Variants in TRPM4 observed in about 807,000 individuals in gnomAD.
TRPM4 encodes the protein transient receptor potential cation channel subfamily M member 4, also known as calcium-activated non-selective cation channel 1.
In TRPM4, 124 loss-of-function variants were observed where a neutral mutation model predicts 135.6. That is an observed-to-expected ratio of 0.91 (90% confidence interval 0.79 to 1.06). TRPM4 has a LOEUF of 1.06. TRPM4 is among the 50% of genes least tolerant of loss of function. TRPM4 has a pLI of 0.00. For missense variants in TRPM4, 1,658 were observed against 1,671.4 expected (o/e 0.99, Z 0.14); for synonymous variants, 745 against 705.6 (o/e 1.06, Z -0.88).
intron 20 of TRPM4, among the ~76,000 whole-genome samples, chr19:49,208,956 CAAA>C (rs35021741): frequency 1.5e-4 from 16 of 103,958 alleles, no homozygotes; most frequent in Non-Finnish European, 1.8e-4. Context: ...AAGACTCCAT[CAAA>C]AAAAAAAAAA....
intron 12 of TRPM4, among the ~76,000 whole-genome samples, chr19:49,185,275 G>A (rs1968157478): frequency 6.6e-6 from 1 of 151,878 alleles, no homozygotes; most frequent in Admixed American, 6.6e-5. Context: ...TTGAGACAGA[G>A]TCTCATTCTG....
rs758151540 is a variant in TRPM4 at position 49,171,722 on chromosome 19, A to G, written c.1003A>G (p.Ile335Val). ...CAGGCAAGGCGAAGCCCGAGATCGAATCAGGCGTTTCTTTCCCAAAGGGGA... is the reference window on the plus strand; with the variant it reads ...CAGGCAAGGCGAAGCCCGAGATCGAGTCAGGCGTTTCTTTCCCAAAGGGGA... The part of the protein sequence containing the change: ...GARQGEARDR[I>V]RRFFPKGDLE... Residue 335 changes from isoleucine to valine, a missense_variant, in exon 8 of 25, where the codon ATC (isoleucine) becomes GTC (valine). Ile to Val is a conservative substitution (Grantham distance 29). This residue lies in a region of TRPM4 where 1,412 missense variants were observed against 1,408.7 expected (regional missense o/e 1.00). Transcript: ENST00000252826. The surrounding 1 kb of genome is among the most constrained non-coding windows in gnomAD (Gnocchi z 4.7). 10 of 1,613,094 alleles carry G rather than the reference A, an allele frequency of 6.2e-6. No homozygotes were observed. Among genetic ancestry groups the G allele is most frequent in the Non-Finnish European group, 8.5e-6 (10 of 1,179,954 alleles).
chr19:49,208,769 C>T (rs1969243058), intron 20 of TRPM4, among the ~76,000 whole-genome samples: 1 of 151,992 alleles, frequency 6.6e-6, no homozygotes, highest in Admixed American at 6.6e-5. Flanking sequence ...GCTTGCCGCC[C>T]ACACATGGTG....
rs1968885717 is a variant in TRPM4, at chr19:49,200,599, A to G, written c.2779-12A>G. On this transcript the variant is annotated splice_polypyrimidine_tract_variant and intron_variant, in intron 18 of 24. Transcript: ENST00000252826. ...AAAGGGCGGGGCCAGACTCAGCCAC[A>G]TCTCCCCACAGATGAAGGACGTGTT... 1 of 1,611,548 alleles carries G rather than the reference A, an allele frequency of 6.2e-7. No homozygotes were observed. Among genetic ancestry groups the G allele is most frequent in the South Asian group, 1.1e-5 (1 of 91,060 alleles).
At chr19:49,164,371 T>G (rs1205234686) in intron 2 of TRPM4, among the ~76,000 whole-genome samples, 5 of 80,930 alleles carry the variant, frequency 6.2e-5, no homozygotes, top group Non-Finnish European at 9.7e-5. Context: ...TTAGTTTTTT[T>G]TTTTTTTTTT....
chr19:49,159,287 C>G (rs945670426), intron 2 of TRPM4: 1 of 152,058 alleles, frequency 6.6e-6, no homozygotes. Context: ...GCCTCAGCCC[C>G]TCAAAGTACT....
intron 2 of TRPM4, chr19:49,158,522 A>C (rs1448132708): frequency 3.8e-6 from 2 of 526,880 alleles, no homozygotes; most frequent in East Asian, 6.4e-5. Context: ...TGTCTCTTCT[A>C]TGTGCTTCTG....
At chr19:49,193,671 T>C (rs1968499408) in intron 16 of TRPM4, among the ~76,000 whole-genome samples, 1 of 152,224 alleles carries the variant, frequency 6.6e-6, no homozygotes, top group Middle Eastern at 3.4e-3. Flanking sequence ...TGATTCAAGA[T>C]GGCAGATGTG....
Position 49,183,218 on chromosome 19 carries a change from T to C in TRPM4, c.1743+6T>C. On this transcript the variant is annotated splice_donor_region_variant and intron_variant, in intron 12 of 24. Transcript: ENST00000252826. ...CCATGTACTTCTGGGAGATGGTGAG[T>C]GCTGACTTGGCGCTCCTGCATCCCT... The C allele has an allele frequency of 6.2e-7, 1 of 1,613,936 alleles. No homozygotes were observed. The highest frequency in any genetic ancestry group is 2.2e-5 in the East Asian group (1 of 44,870).
intron 10 of TRPM4, among the ~76,000 whole-genome samples, chr19:49,182,353 T>C (rs1236027531): frequency 2.1e-5 from 2 of 96,580 alleles, no homozygotes; most frequent in Non-Finnish European, 4.0e-5. Flanking sequence ...TCCATCCCTC[T>C]GTCCATCCAT....
intron 16 of TRPM4, among the ~76,000 whole-genome samples, chr19:49,196,154 G>A (rs186199031): frequency 6.6e-6 from 1 of 151,932 alleles, no homozygotes; most frequent in Admixed American, 6.6e-5. Context: ...CACCGCGCCC[G>A]ATCCGGGTAT....
chr19:49,200,234 G>A (rs1968860610), intron 17 of TRPM4, 66 bp from the exon 18 acceptor site: 2 of 1,612,762 alleles, frequency 1.2e-6, no homozygotes, highest in Non-Finnish European at 1.7e-6. Flanking sequence ...GATGGCATTG[G>A]GAAGACTTCC....
In TRPM4 at chr19:49,178,002, A is replaced by G. The variant is rs921825774; in HGVS notation, c.1151-3347A>G. ...CAGAGGGGCTAAGGCTGTCCTTGAG[A>G]GGCAGCAGAGGACCAGGGTCCGTTA... On this transcript the variant is annotated intron_variant, in intron 9 of 24. Transcript: ENST00000252826. Among the ~76,000 whole-genome samples the G allele has an allele frequency of 3.9e-5, 6 of 152,162 alleles. No homozygotes were observed. In the East Asian group the frequency reaches 7.7e-4, roughly 20 times the overall value.
intron 16 of TRPM4, among the ~76,000 whole-genome samples, chr19:49,193,605 T>TC (rs1048818125): frequency 6.6e-6 from 1 of 151,608 alleles, no homozygotes; most frequent in African/African-American, 2.4e-5. Flanking sequence ...GATCCCAAGA[T>TC]CCCCCCAGAG....
chr19:49,182,153 CATCTGTCCA>C (rs1967971245), intron 10 of TRPM4, among the ~76,000 whole-genome samples: 1 of 85,824 alleles, frequency 1.2e-5, no homozygotes, highest in African/African-American at 4.7e-5. Context: ...TCCATCCATT[CATCTGTCCA>C]TCCATCCATC....
chr19:49,211,249 C>G lies in TRPM4; in HGVS notation c.3620C>G (p.Pro1207Arg), dbSNP rs1428197100. The change falls in exon 24 of 25, where the codon CCT becomes CGT. Residue 1207 changes from proline to arginine, a missense_variant. Pro to Arg is a moderately radical substitution (Grantham distance 103). This residue lies in a region of TRPM4 where 1,412 missense variants were observed against 1,408.7 expected (regional missense o/e 1.00). Coordinates refer to ENST00000252826, the MANE Select transcript of TRPM4 (RefSeq NM_017636.4). This position sits in a 1 kb window ranked among gnomAD's most constrained non-coding sequence, Gnocchi z 4.8. ...ALLPPGGPPP[P>R]DLPGSKD ...CTGCCCCCAGGTGGGCCGCCACCCC[C>G]TGACCTGCCTGGGTCCAAAGGTCAG... 2 of 1,584,852 alleles carry G rather than the reference C, an allele frequency of 1.3e-6. No homozygotes were observed. Among genetic ancestry groups the G allele is most frequent in the Non-Finnish European group, 1.7e-6 (2 of 1,166,348 alleles).
chr19:49,206,267 G>A (rs1969147811), intron 20 of TRPM4, among the ~76,000 whole-genome samples: 1 of 152,194 alleles, frequency 6.6e-6, no homozygotes, highest in South Asian at 2.1e-4. Flanking sequence ...CCCACACAGT[G>A]TTGATTACTG....
At chr19:49,182,074 A>G (rs1367108940) in intron 10 of TRPM4, among the ~76,000 whole-genome samples, 13 of 133,736 alleles carry the variant, frequency 9.7e-5, no homozygotes, top group Non-Finnish European at 1.9e-4. Flanking sequence ...CCATCCATCC[A>G]TCCATCCATC....
In TRPM4 at chr19:49,210,066, C is replaced by T. The variant is rs182971673; in HGVS notation, c.3132-143C>T. The T allele has an allele frequency of 1.5e-5, 14 of 953,508 alleles. No individual in the cohort carries two copies. The highest frequency in any genetic ancestry group is 2.2e-5 in the Non-Finnish European group (13 of 594,112). 59.1% of individuals were successfully genotyped at this position (953,508 alleles called of 1,614,324 possible). Reference sequence around the variant, plus strand: ...CCTTGGCTCTAACCTGACTTCTAATCGCATCCTGTAACCTCTGACTTTAGT... The same window carrying T: ...CCTTGGCTCTAACCTGACTTCTAATTGCATCCTGTAACCTCTGACTTTAGT... On this transcript the variant is annotated intron_variant, in intron 20 of 24. Coordinates refer to ENST00000252826, the MANE Select transcript of TRPM4 (RefSeq NM_017636.4). The surrounding 1 kb of genome is among the most constrained non-coding windows in gnomAD (Gnocchi z 4.1).
Sources: allele counts gnomAD v4.1 joint callset (sites outside exome capture counted in the v4.1 genomes callset), GRCh38; gene constraint gnomAD v4.1.1; regional missense constraint gnomAD v4.1.1; non-coding constraint Gnocchi (gnomAD v3.1); transcripts MANE v1.5; gene names NCBI Gene and HGNC (gene_info 2026-07-23, HGNC 2026-07-21).